The following UPK1B variants were observed in gnomAD, a reference collection of about 807,000 sequenced individuals.
UPK1B encodes uroplakin 1B.
Under a neutral mutation model 34.2 loss-of-function variants are expected in UPK1B, and 28 were observed. The observed-to-expected ratio is 0.82, with a 90% CI of 0.61 to 1.12. UPK1B has a LOEUF of 1.12. UPK1B is among the 50% of genes most tolerant of loss of function. UPK1B has a pLI of 0.00. For missense variants in UPK1B, 325 were observed against 320.9 expected, an observed-to-expected ratio of 1.01 and a Z score of -0.10; for synonymous variants, 81 against 110.4, an observed-to-expected ratio of 0.73 and a Z score of 1.67.
At chr3:119,189,565 G>A (rs938485282) in intron 3 of UPK1B, among the ~76,000 whole-genome samples, 2 of 152,214 alleles carry the variant, frequency 1.3e-5, no homozygotes, top group Admixed American at 6.5e-5. Context: ...CCATGCTCAC[G>A]CACACACACC....
intron 4 of UPK1B, 138 bp from the exon 5 acceptor site, chr3:119,190,844 T>C: frequency 2.5e-6 from 3 of 1,219,856 alleles, no homozygotes; most frequent in Non-Finnish European, 3.4e-6. Flanking sequence ...CAGCCAGCTG[T>C]ACTTGGTGCC....
intron 2 of UPK1B, 70 bp downstream of exon 2, chr3:119,186,880 A>G: frequency 6.6e-7 from 1 of 1,526,212 alleles, no homozygotes. Context: ...ATCAAAAGTA[A>G]GAGTTTAAAG....
chr3:119,188,825 A>G (rs2078031253), intron 3 of UPK1B, among the ~76,000 whole-genome samples: 1 of 152,204 alleles, frequency 6.6e-6, no homozygotes, highest in Non-Finnish European at 1.5e-5. Flanking sequence ...GCAGGACCTC[A>G]GTTCCCCCTT....
chr3:119,177,941 G>T, intron 1 of UPK1B, among the ~76,000 whole-genome samples: 1 of 152,168 alleles, frequency 6.6e-6, no homozygotes, highest in East Asian at 1.9e-4. Flanking sequence ...GATAATTCTG[G>T]GTAAGAGAAG....
In UPK1B at chr3:119,191,030, A is replaced by T. The variant is rs774210812; in HGVS notation, c.394A>T (p.Asn132Tyr). 2.2e-5 allele frequency: 35 copies of T among 1,613,976 alleles called. No individual in the cohort carries two copies. The highest frequency in any genetic ancestry group is 3.3e-4 in the Middle Eastern group (2 of 6,084). The change falls in exon 5 of 8, where the codon AAC (asparagine) becomes TAC (tyrosine). Residue 132 changes from asparagine to tyrosine, a missense_variant. By Grantham distance (143) the Asn-to-Tyr change is moderately radical. Transcript: ENST00000264234. ...GCAGATGCTAGAGAGGTACCAAAAC[A>T]ACAGCCCTCCAAACAATGATGACCA... ...LKQMLERYQNNSPPNNDDQWK... is the reference protein window; with the variant it reads ...LKQMLERYQNYSPPNNDDQWK...
chr3:119,199,139 C>G lies in UPK1B; in HGVS notation c.731C>G (p.Thr244Ser). 6.2e-7 allele frequency: 1 copy of G among 1,614,054 alleles called. No individual in the cohort carries two copies. The highest frequency in any genetic ancestry group is 8.5e-7 in the Non-Finnish European group (1 of 1,179,932). ...AWFGFAILCW[T>S]FWVLLGTMFY... ...TTTGGATTTGCCATTCTCTGCTGGACTGTGAGTATTTCCCAGCACATATTT... is the reference window on the plus strand; with the variant it reads ...TTTGGATTTGCCATTCTCTGCTGGAGTGTGAGTATTTCCCAGCACATATTT... Residue 244 changes from threonine (T) to serine (S), a missense_variant and splice_region_variant, in exon 7 of 8, where the codon ACT becomes AGT. Thr to Ser is a moderately conservative substitution (Grantham distance 58). Transcript: ENST00000264234.
At chr3:119,201,099 A>C (rs2078088593) in intron 7 of UPK1B, among the ~76,000 whole-genome samples, 1 of 152,160 alleles carries the variant, frequency 6.6e-6, no homozygotes, top group African/African-American at 2.4e-5. Flanking sequence ...TCACTAACAA[A>C]GTTTAGTGAC....
chr3:119,182,125 C>T (rs1052394508), intron 1 of UPK1B, among the ~76,000 whole-genome samples: 1 of 152,206 alleles, frequency 6.6e-6, no homozygotes, highest in Non-Finnish European at 1.5e-5. Flanking sequence ...TGACTCTGGC[C>T]GCACCCCAAG....
chr3:119,195,400 G>A (rs1051351001), intron 6 of UPK1B, among the ~76,000 whole-genome samples: 1 of 152,210 alleles, frequency 6.6e-6, no homozygotes, highest in African/African-American at 2.4e-5. Context: ...AGTACAAACT[G>A]CATGTTCAGA....
Position 119,187,862 on chromosome 3 carries a change from G to A in UPK1B, c.157G>A (p.Asp53Asn), listed in dbSNP as rs761099050. 3.3e-5 allele frequency: 53 copies of A among 1,613,940 alleles called. 1 individual carries two copies. The Admixed American group carries it at 3.5e-4, about 11-fold the overall frequency. Residue 53 changes from aspartate (D) to asparagine (N), a missense_variant, in exon 3 of 8, where the codon GAT (aspartate) becomes AAT (asparagine). By Grantham distance (23) the Asp-to-Asn change is conservative. Transcript: ENST00000264234. ...LYPLLEATDN[D>N]DIYGAAWIGI... ...CCCACTGCTTGAAGCCACCGACAAC[G>A]ATGACATCTATGGGGCTGCCTGGAT...
intron 7 of UPK1B, among the ~76,000 whole-genome samples, chr3:119,201,004 G>A (rs948071464): frequency 6.6e-6 from 1 of 152,088 alleles, no homozygotes; most frequent in African/African-American, 2.4e-5. Flanking sequence ...AGTTCTTACT[G>A]CTTCATTGAG....
intron 1 of UPK1B, among the ~76,000 whole-genome samples, chr3:119,184,415 T>A (rs1207484974): frequency 6.6e-6 from 1 of 152,030 alleles, no homozygotes; most frequent in Non-Finnish European, 1.5e-5. Context: ...ACCCACGCTG[T>A]AATTGCACTT....
intron 4 of UPK1B, 115 bp downstream of exon 4, chr3:119,190,434 C>A (rs2107432937): frequency 1.5e-6 from 1 of 652,002 alleles, no homozygotes; most frequent in Non-Finnish European, 2.6e-6. Flanking sequence ...AATAATACAT[C>A]TATCATTTTA....
At chr3:119,196,144 T>TCACA (rs1168988217) in intron 6 of UPK1B, among the ~76,000 whole-genome samples, 3 of 152,186 alleles carry the variant, frequency 2.0e-5, no homozygotes, top group Admixed American at 2.0e-4. Flanking sequence ...CTGTGCTCCT[T>TCACA]GTTTCTCAAC....
chr3:119,193,900 T>A (rs1276546085), intron 5 of UPK1B, among the ~76,000 whole-genome samples: 1 of 152,106 alleles, frequency 6.6e-6, no homozygotes, highest in Non-Finnish European at 1.5e-5. Flanking sequence ...ATTTAATCCT[T>A]AAAAAAACTC....
At position 119,187,898 on chromosome 3, in the gene UPK1B, G is replaced by A. The variant is rs746795742; in HGVS notation, c.193G>A (p.Val65Met). 4 of 1,614,030 alleles carry A rather than the reference G, an allele frequency of 2.5e-6. No homozygotes were observed. In the African/African-American group the frequency reaches 5.3e-5, roughly 22 times the overall value. ...TGGGGCTGCCTGGATCGGCATATTT[G>A]TGGGCATCTGCCTCTTCTGCCTGTC... ...IYGAAWIGIF[V>M]GICLFCLSVL... The change falls in exon 3 of 8, where the codon GTG (valine) becomes ATG (methionine). Residue 65 changes from valine (V) to methionine (M), a missense_variant. By Grantham distance (21) the Val-to-Met change is conservative. Coordinates refer to ENST00000264234, the MANE Select transcript of UPK1B (RefSeq NM_006952.4).
chr3:119,196,564 CCTGT>C (rs1478486654), intron 6 of UPK1B, among the ~76,000 whole-genome samples: 1 of 136,600 alleles, frequency 7.3e-6, no homozygotes, highest in African/African-American at 2.9e-5. Flanking sequence ...TGAGATGGAG[CCTGT>C]CTCACTCTGT....
intron 1 of UPK1B, among the ~76,000 whole-genome samples, chr3:119,176,958 T>A (rs1358038983): frequency 6.6e-6 from 1 of 152,210 alleles, no homozygotes; most frequent in African/African-American, 2.4e-5. Flanking sequence ...ACGAGGTTTG[T>A]CTTTTTAGGT....
At chr3:119,180,839 A>G (rs1199362141) in intron 1 of UPK1B, among the ~76,000 whole-genome samples, 6 of 152,148 alleles carry the variant, frequency 3.9e-5, no homozygotes, top group Non-Finnish European at 5.9e-5. Flanking sequence ...AAATTATGTC[A>G]CCTTTCCTCT....
Sources: gnomAD v4.1 joint callset for allele counts (sites outside exome capture counted in the v4.1 genomes callset) on GRCh38, gnomAD v4.1.1 for gene constraint, MANE v1.5 for transcripts, NCBI Gene and HGNC (gene_info 2026-07-23, HGNC 2026-07-21) for gene names.